Variants in DTNA observed in about 807,000 individuals in gnomAD.
DTNA encodes dystrophin-related protein 3.
DTNA carries 43 observed loss-of-function variants against 100.7 expected under a neutral mutation model. The ratio of observed to expected loss-of-function variants is 0.43; its 90% CI spans 0.33 to 0.55. The LOEUF (loss-of-function observed/expected upper bound fraction) is 0.55. DTNA is among the 20% of genes least tolerant of loss of function. The pLI, the probability that DTNA is intolerant of heterozygous loss-of-function variation, is 0.04. For missense variants in DTNA, 798 were observed against 953.9 expected (o/e 0.84, Z 2.15); for synonymous variants, 349 against 347.9 (o/e 1.00, Z -0.04).
chr18:34,554,912 C>T (rs1326054228), intron 1 of DTNA, among the ~76,000 whole-genome samples: 1 of 149,630 alleles, frequency 6.7e-6, no homozygotes, highest in Non-Finnish European at 1.5e-5. Context: ...GGAGGATTCC[C>T]CCTTTTTCTA....
chr18:34,855,622 G>A (rs534628694), intron 15 of DTNA, among the ~76,000 whole-genome samples: 3 of 151,918 alleles, frequency 2.0e-5, no homozygotes, highest in East Asian at 1.9e-4. Context: ...CATCTGTCCC[G>A]ATATAAAGAG....
chr18:34,530,595 CTAA>C (rs1025786811), intron 1 of DTNA, among the ~76,000 whole-genome samples: 14 of 152,218 alleles, frequency 9.2e-5, no homozygotes, highest in African/African-American at 2.6e-4. Context: ...TATACTACCA[CTAA>C]TAATAATAGC....
chr18:34,805,689 C>A (rs2095342837), intron 4 of DTNA, among the ~76,000 whole-genome samples: 1 of 151,564 alleles, frequency 6.6e-6, no homozygotes, highest in African/African-American at 2.4e-5. Context: ...ATCACATAAG[C>A]ACAGTTGGCT....
Position 34,748,439 on chromosome 18 carries a change from G to C in DTNA, c.-1-7537G>C, listed in dbSNP as rs142093112. ...ATCTTCTAGAAGTTTTATGGTTTCA[G>C]GTCTTAGAGATAAGTCTTTGAGCCA... On this transcript the variant is annotated intron_variant, in intron 1 of 22. Transcript: ENST00000444659. Among the ~76,000 whole-genome samples the C allele has an allele frequency of 4.7e-3, 716 of 152,228 alleles. 5 individuals carry two copies. The highest frequency in any genetic ancestry group is 0.015 in the African/African-American group (629 of 41,542).
intron 1 of DTNA, among the ~76,000 whole-genome samples, chr18:34,656,784 A>G (rs2144274183): frequency 6.6e-6 from 1 of 152,352 alleles, no homozygotes; most frequent in Admixed American, 6.5e-5. Flanking sequence ...TTTTTAAAAC[A>G]TAGTAATGCC....
chr18:34,746,185 G>C (rs1191573270), intron 1 of DTNA, among the ~76,000 whole-genome samples: 1 of 127,038 alleles, frequency 7.9e-6, no homozygotes, highest in African/African-American at 3.1e-5. Context: ...CTTCTAATTT[G>C]GGGGGGGGAC....
At chr18:34,815,775 C>A in intron 6 of DTNA, 134 bp from the exon 7 acceptor site, 3 of 810,918 alleles carry the variant, frequency 3.7e-6, no homozygotes, top group Non-Finnish European at 6.2e-6. Flanking sequence ...ACACATTTGG[C>A]AAGTTCTGTT....
chr18:34,503,279 A>ATTTTTTTTTTTTTT (rs869258771), intron 1 of DTNA, among the ~76,000 whole-genome samples: 1 of 62,042 alleles, frequency 1.6e-5, no homozygotes. Flanking sequence ...TAATTGGCTC[A>ATTTTTTTTTTTTTT]TTTTTTTTTT....
chr18:34,592,502 A>ACACG (rs1555634399), intron 1 of DTNA, among the ~76,000 whole-genome samples: 52 of 150,610 alleles, frequency 3.5e-4, no homozygotes, highest in Middle Eastern at 3.4e-3. Flanking sequence ...ACACACACAC[A>ACACG]CACATTTTGT....
In DTNA at chr18:34,848,298, T is replaced by C. The variant is rs956944215; in HGVS notation, c.1349T>C (p.Met450Thr). The C allele has an allele frequency of 3.1e-6, 5 of 1,614,016 alleles. No homozygotes were observed. The highest frequency in any genetic ancestry group is 1.7e-5 in the Admixed American group (1 of 60,010). ...CCTTCTTGCTTTGTTCTTAATAGCA[T>C]GCTTGAGAGTTCAAACCGGCTTGAT... is the stretch of plus-strand genomic sequence containing the variant. ...VNMLRNNPSC[M>T]LESSNRLDEE... is the part of the protein sequence containing the mutation. Residue 450 changes from methionine (M) to threonine (T), a missense_variant and splice_region_variant, in exon 14 of 23, where the codon ATG (methionine) becomes ACG (threonine). Physicochemically the swap from Met to Thr is moderately conservative, Grantham distance 81. Coordinates refer to ENST00000444659, the MANE Select transcript of DTNA (RefSeq NM_001386795.1).
Position 34,676,327 on chromosome 18 carries a change from C to A in DTNA, c.-1-79649C>A, listed in dbSNP as rs1039760450. Among the ~76,000 whole-genome samples, 3 of 152,152 alleles carry A rather than the reference C, an allele frequency of 2.0e-5. No individual in the cohort carries two copies. In the East Asian group the frequency reaches 5.8e-4, roughly 29 times the overall value. ...ACCTACATGCCTAAAATGCAGCACCCAAAATGAATGAAATACTTCTTTCTT... is the reference window on the plus strand; with the variant it reads ...ACCTACATGCCTAAAATGCAGCACCAAAAATGAATGAAATACTTCTTTCTT... On this transcript the variant is annotated intron_variant, in intron 1 of 19. Coordinates refer to the DTNA transcript ENST00000283365.
rs184135843 is a variant in DTNA, at chr18:34,661,707, A to G, written c.-1-94269A>G. ...TAGAGGGAGATAAAGGCGCCTCTCC[A>G]TCCACTGTTCCCACCCTCTTTGCCC... On this transcript the variant is annotated intron_variant, in intron 1 of 19. Transcript: ENST00000283365. 1.6e-3 allele frequency among the ~76,000 whole-genome samples: 243 copies of G among 152,298 alleles called. 1 individual carries two copies. Among genetic ancestry groups the G allele is most frequent in the Non-Finnish European group, 2.6e-3 (176 of 68,030 alleles).
At chr18:34,637,084 C>T (rs1331856655) in intron 1 of DTNA, among the ~76,000 whole-genome samples, 1 of 152,152 alleles carries the variant, frequency 6.6e-6, no homozygotes, top group Non-Finnish European at 1.5e-5. Flanking sequence ...TAAATAAATG[C>T]TGTACTTATA....
At chr18:34,543,679 G>A (rs982327495) in intron 1 of DTNA, among the ~76,000 whole-genome samples, 11 of 152,066 alleles carry the variant, frequency 7.2e-5, no homozygotes, top group Admixed American at 3.9e-4. Context: ...GCCCAAATAA[G>A]CATTTATTAA....
At chr18:34,833,677 G>A (rs1012466188) in intron 11 of DTNA, among the ~76,000 whole-genome samples, 1 of 152,146 alleles carries the variant, frequency 6.6e-6, no homozygotes, top group Non-Finnish European at 1.5e-5. Context: ...TCATACAGTG[G>A]CAAGGGATTA....
At chr18:34,674,652 C>T (rs1022266284) in intron 1 of DTNA, among the ~76,000 whole-genome samples, 26 of 152,206 alleles carry the variant, frequency 1.7e-4, no homozygotes, top group African/African-American at 6.3e-4. Context: ...TATACTGCCA[C>T]TCTGTACAGG....
chr18:34,791,685 T>C (rs28521325), intron 3 of DTNA, among the ~76,000 whole-genome samples: 3,853 of 152,328 alleles, frequency 0.025, 169 homozygotes, highest in African/African-American at 0.087. Flanking sequence ...TTTCCAAAAC[T>C]AATAAATATT....
At chr18:34,825,184 C>A in intron 9 of DTNA, 1 of 1,578,172 alleles carries the variant, frequency 6.3e-7, no homozygotes, top group Non-Finnish European at 8.7e-7. Flanking sequence ...GGTATTTTGA[C>A]ATTTGTTCTT....
intron 1 of DTNA, among the ~76,000 whole-genome samples, chr18:34,754,484 G>T (rs2092632864): frequency 6.6e-6 from 1 of 152,134 alleles, no homozygotes; most frequent in Non-Finnish European, 1.5e-5. Flanking sequence ...AGTGCACTCA[G>T]AGGACAGCGT....
Sources: gnomAD v4.1 joint callset for allele counts (sites outside exome capture counted in the v4.1 genomes callset) on GRCh38, gnomAD v4.1.1 for gene constraint, MANE v1.5 for transcripts, NCBI Gene and HGNC (gene_info 2026-07-23, HGNC 2026-07-21) for gene names.